The following MIPOL1 variants were observed in gnomAD, a reference collection of about 807,000 sequenced individuals.
MIPOL1 encodes the protein mirror-image polydactyly 1.
MIPOL1 carries 57 observed loss-of-function variants against 60.9 expected under a neutral mutation model. That is an observed-to-expected ratio of 0.94 (90% CI 0.76 to 1.17). The LOEUF (loss-of-function observed/expected upper bound fraction) is 1.17, where lower values mean the gene tolerates loss of function less well. MIPOL1 is among the 50% of genes most tolerant of loss of function. The probability of loss-of-function intolerance (pLI) is 0.00; values close to 1 mark genes in which losing one functional copy is unlikely to be tolerated. For synonymous variants in MIPOL1, 179 were observed against 168.8 expected (o/e 1.06, Z -0.47); for missense variants, 551 against 511.6 (o/e 1.08, Z -0.74).
chr14:37,384,870 A>G (rs973090911), intron 10 of MIPOL1, among the ~76,000 whole-genome samples: 1 of 152,002 alleles, frequency 6.6e-6, no homozygotes, highest in Non-Finnish European at 1.5e-5. Flanking sequence ...TTGATTCCAT[A>G]TATGAATTGA....
chr14:37,206,521 A>G lies in MIPOL1; in HGVS notation c.-199+8417A>G, dbSNP rs185754484. 1.8e-3 allele frequency among the ~76,000 whole-genome samples: 267 copies of G among 152,232 alleles called. 1 individual carries two copies. Among genetic ancestry groups the G allele is most frequent in the African/African-American group, 6.0e-3 (250 of 41,564 alleles). On this transcript the variant is annotated intron_variant, in intron 1 of 12. Transcript: ENST00000684589. The stretch of plus-strand genomic sequence containing the variant: ...AATGTGGGATTGGATCCCCCACACA[A>G]AGTCCCTACTGGAGCACTGCCTAGT...
chr14:37,445,473 A>G (rs1485099758), intron 11 of MIPOL1, among the ~76,000 whole-genome samples: 4 of 151,568 alleles, frequency 2.6e-5, no homozygotes, highest in Non-Finnish European at 5.9e-5. Flanking sequence ...GGAAGAATCA[A>G]TATCATGAAA....
intron 9 of MIPOL1, among the ~76,000 whole-genome samples, chr14:37,323,133 A>G (rs1013918728): frequency 6.6e-6 from 1 of 152,122 alleles, no homozygotes; most frequent in Admixed American, 6.6e-5. Context: ...TCTTTAATCC[A>G]TCTTGAGTTA....
At chr14:37,367,523 A>G (rs1428493419) in intron 9 of MIPOL1, among the ~76,000 whole-genome samples, 2 of 151,952 alleles carry the variant, frequency 1.3e-5, no homozygotes, top group Non-Finnish European at 2.9e-5. Flanking sequence ...ACTCTTGACC[A>G]TGCTTCCTCT....
intron 3 of MIPOL1, among the ~76,000 whole-genome samples, chr14:37,264,572 G>A (rs1220423495): frequency 6.6e-6 from 1 of 151,926 alleles, no homozygotes; most frequent in Non-Finnish European, 1.5e-5. Flanking sequence ...AGGCTGCAGC[G>A]AGCCATGATT....
intron 10 of MIPOL1, among the ~76,000 whole-genome samples, chr14:37,387,646 A>G (rs545013653): frequency 2.0e-5 from 3 of 152,054 alleles, no homozygotes; most frequent in Non-Finnish European, 2.9e-5. Context: ...ACTTTATTGT[A>G]TAATATGAAA....
intron 9 of MIPOL1, among the ~76,000 whole-genome samples, chr14:37,352,883 TG>T (rs1379325826): frequency 1.5e-5 from 2 of 130,182 alleles, no homozygotes; most frequent in African/African-American, 5.8e-5. Context: ...TTTTCCTAAT[TG>T]AATACCCTTT....
rs1566683963 is a variant in MIPOL1 at position 37,481,603 on chromosome 14, AC to A, written c.1032-18304del. On this transcript the variant is annotated intron_variant, in intron 11 of 12. Transcript: ENST00000684589. ...CACACACACACACACACACACACAC[AC>A]ACACACACCGAAACCACATAGCCAA... Among the ~76,000 whole-genome samples the A allele has an allele frequency of 2.9e-3, 431 of 149,910 alleles. 5 individuals carry two copies. Among genetic ancestry groups the A allele is most frequent in the African/African-American group, 9.8e-3 (396 of 40,610 alleles).
intron 12 of MIPOL1, among the ~76,000 whole-genome samples, chr14:37,511,354 T>A (rs1013481430): frequency 6.6e-6 from 1 of 152,200 alleles, no homozygotes; most frequent in African/African-American, 2.4e-5. Context: ...TAGCCCATTG[T>A]GATTTAGCTT....
intron 12 of MIPOL1, among the ~76,000 whole-genome samples, chr14:37,536,276 T>A (rs2095505934): frequency 6.6e-6 from 1 of 152,128 alleles, no homozygotes. Flanking sequence ...ATCATACCAG[T>A]TGACAATAAG....
At chr14:37,394,055 GGCATATATATAT>G (rs1251712915) in intron 10 of MIPOL1, among the ~76,000 whole-genome samples, 1 of 24,982 alleles carries the variant, frequency 4.0e-5, no homozygotes, top group Non-Finnish European at 8.8e-5. Flanking sequence ...GCTTAGTAGT[GGCATATATATAT>G]ATATATATAT....
intron 12 of MIPOL1, chr14:37,506,231 C>T (rs1461981577): frequency 6.6e-6 from 1 of 152,132 alleles, no homozygotes; most frequent in Admixed American, 6.6e-5. Flanking sequence ...TAACTTTCTT[C>T]ACAGAATTGG....
chr14:37,542,814 C>A (rs1162080325), intron 12 of MIPOL1, among the ~76,000 whole-genome samples: 1 of 152,164 alleles, frequency 6.6e-6, no homozygotes, highest in Non-Finnish European at 1.5e-5. Context: ...TTTGAATAAT[C>A]AAAGCCCAGC....
intron 9 of MIPOL1, among the ~76,000 whole-genome samples, chr14:37,362,115 G>T (rs2092290122): frequency 6.6e-6 from 1 of 152,034 alleles, no homozygotes; most frequent in African/African-American, 2.4e-5. Flanking sequence ...TTACATTTAA[G>T]GTTAATATTG....
chr14:37,438,331 CTTCT>C (rs2094194075), intron 11 of MIPOL1, among the ~76,000 whole-genome samples: 2 of 152,092 alleles, frequency 1.3e-5, no homozygotes, highest in South Asian at 4.1e-4. Context: ...TTTGTAATTC[CTTCT>C]GTCTTATATC....
At chr14:37,348,760 T>C (rs1358490413) in intron 9 of MIPOL1, among the ~76,000 whole-genome samples, 3 of 151,540 alleles carry the variant, frequency 2.0e-5, no homozygotes, top group African/African-American at 7.3e-5. Flanking sequence ...CTCAACAACC[T>C]CCAGACTAGA....
rs529841820 is a variant in MIPOL1, at chr14:37,458,352, A to G, written c.1031+35403A>G. 1.3e-3 allele frequency among the ~76,000 whole-genome samples: 199 copies of G among 152,292 alleles called. 1 individual carries two copies. The highest frequency in any genetic ancestry group is 4.5e-3 in the African/African-American group (186 of 41,560). On this transcript the variant is annotated intron_variant, in intron 11 of 12. Transcript: ENST00000684589. ...CATTCTCAGAACATTCTATCCAACA[A>G]TGGCAGAATATACATTTTTCTCATT... is the stretch of plus-strand genomic sequence containing the variant.
At chr14:37,307,408 T>C (rs1278797849) in intron 7 of MIPOL1, among the ~76,000 whole-genome samples, 1 of 151,990 alleles carries the variant, frequency 6.6e-6, no homozygotes, top group Non-Finnish European at 1.5e-5. Context: ...AACATTTCAG[T>C]AGCCACTACG....
chr14:37,484,480 G>A (rs899694299), intron 11 of MIPOL1, among the ~76,000 whole-genome samples: 1 of 151,804 alleles, frequency 6.6e-6, no homozygotes, highest in Non-Finnish European at 1.5e-5. Flanking sequence ...TGGGACTACA[G>A]GAGTGTCCTA....
Sources: allele counts gnomAD v4.1 joint callset (sites outside exome capture counted in the v4.1 genomes callset), GRCh38; gene constraint gnomAD v4.1.1; transcripts MANE v1.5; gene names NCBI Gene and HGNC (gene_info 2026-07-23, HGNC 2026-07-21).